NTM: variants seen among roughly 807,000 people sequenced by gnomAD.
NTM encodes neurotrimin, also known as IgLON family member 2.
In NTM, 13 loss-of-function variants were observed where a neutral mutation model predicts 42.1. The observed-to-expected ratio is 0.31, with a 90% CI of 0.20 to 0.49. NTM has a LOEUF of 0.49. Ranked by LOEUF, NTM falls within the 20% of genes least tolerant of loss-of-function variation. The probability of loss-of-function intolerance (pLI) is 0.99; values close to 1 mark genes in which losing one functional copy is unlikely to be tolerated. For synonymous variants in NTM, 187 were observed against 179.2 expected (o/e 1.04, Z -0.35); for missense variants, 373 against 452.8 (o/e 0.82, Z 1.60).
chr11:131,789,593 AAG>A (rs1299390101), intron 1 of NTM, among the ~76,000 whole-genome samples: 1 of 64,884 alleles, frequency 1.5e-5, no homozygotes, highest in East Asian at 4.6e-4. Flanking sequence ...GAAGAAGAAG[AAG>A]AAGAAGAAGA....
chr11:131,439,255 C>A (rs537731032), intron 1 of NTM, among the ~76,000 whole-genome samples: 7 of 152,158 alleles, frequency 4.6e-5, no homozygotes, highest in African/African-American at 1.7e-4. Context: ...TTAGGCTACT[C>A]GGGGGTCAGG....
intron 2 of NTM, among the ~76,000 whole-genome samples, chr11:131,942,719 A>G (rs535077): frequency 0.78 from 118,331 of 151,930 alleles, 46,208 homozygotes; most frequent in East Asian, 0.94. Flanking sequence ...GCCGAGGTGG[A>G]TGGATCGTTT....
intron 3 of NTM, among the ~76,000 whole-genome samples, chr11:132,189,659 C>G (rs781299799): frequency 5.3e-5 from 8 of 151,908 alleles, no homozygotes; most frequent in Non-Finnish European, 7.4e-5. Context: ...CACACACACA[C>G]ACACACACAG....
chr11:131,835,375 C>G (rs1423747175), intron 1 of NTM, among the ~76,000 whole-genome samples: 2 of 151,946 alleles, frequency 1.3e-5, no homozygotes, highest in African/African-American at 2.4e-5. Context: ...AGACTTATCT[C>G]TAGGATGGAT....
At chr11:131,658,932 A>C (rs967589531) in intron 1 of NTM, among the ~76,000 whole-genome samples, 1 of 152,198 alleles carries the variant, frequency 6.6e-6, no homozygotes, top group Non-Finnish European at 1.5e-5. Flanking sequence ...ATATCGCGCC[A>C]CTGCTCTCCA....
intron 1 of NTM, among the ~76,000 whole-genome samples, chr11:131,641,809 C>T (rs993041787): frequency 7.9e-5 from 12 of 151,726 alleles, no homozygotes; most frequent in Non-Finnish European, 1.6e-4. Context: ...TCACTGCAAC[C>T]TCCAACTCCC....
intron 2 of NTM, among the ~76,000 whole-genome samples, chr11:131,985,259 A>C (rs2065886935): frequency 6.6e-6 from 1 of 152,154 alleles, no homozygotes; most frequent in South Asian, 2.1e-4. Flanking sequence ...CAGTTTTACC[A>C]AACATTTTGC....
chr11:132,328,181 G>A (rs753742322), intron 7 of NTM, among the ~76,000 whole-genome samples: 6 of 152,158 alleles, frequency 3.9e-5, no homozygotes, highest in African/African-American at 1.2e-4. Context: ...CAAAGCAAGG[G>A]GGGTGGACTG....
At chr11:131,521,439 T>C (rs1204591003) in intron 1 of NTM, among the ~76,000 whole-genome samples, 26 of 109,114 alleles carry the variant, frequency 2.4e-4, no homozygotes, top group African/African-American at 7.4e-4. Context: ...GGAGTCTCGC[T>C]CTGTCGCCCA....
At chr11:131,750,865 T>C (rs2082404423) in intron 1 of NTM, among the ~76,000 whole-genome samples, 1 of 152,130 alleles carries the variant, frequency 6.6e-6, no homozygotes, top group Non-Finnish European at 1.5e-5. Context: ...AGCTCTGTGG[T>C]GTCCGGGGAT....
intron 2 of NTM, among the ~76,000 whole-genome samples, chr11:131,958,213 T>C (rs2061762423): frequency 6.6e-6 from 1 of 152,146 alleles, no homozygotes; most frequent in Non-Finnish European, 1.5e-5. Context: ...TAGCAGTCTT[T>C]AGAGACATAG....
intron 1 of NTM, among the ~76,000 whole-genome samples, chr11:131,635,669 T>A (rs1479415893): frequency 3.3e-5 from 5 of 152,198 alleles, no homozygotes; most frequent in African/African-American, 1.2e-4. Context: ...GTGTATTTAA[T>A]TTTTATTAAT....
At chr11:131,675,967 T>C (rs964218462) in intron 1 of NTM, among the ~76,000 whole-genome samples, 12 of 152,150 alleles carry the variant, frequency 7.9e-5, no homozygotes, top group African/African-American at 2.9e-4. Context: ...GCTTTCACCT[T>C]TGGTGTTGAA....
chr11:132,306,552 G>A (rs1431930251), intron 4 of NTM: 1 of 152,150 alleles, frequency 6.6e-6, no homozygotes, highest in Non-Finnish European at 1.5e-5. Flanking sequence ...ATGTTTGTGT[G>A]TTAGTCTAAA....
chr11:132,243,437 G>A (rs774129802), intron 4 of NTM, among the ~76,000 whole-genome samples: 37 of 152,182 alleles, frequency 2.4e-4, no homozygotes, highest in Non-Finnish European at 2.1e-4. Context: ...CAGTGGAGCC[G>A]TTCCTACTCT....
At chr11:131,433,111 C>T (rs1378282061) in intron 1 of NTM, among the ~76,000 whole-genome samples, 2 of 152,020 alleles carry the variant, frequency 1.3e-5, no homozygotes, top group Non-Finnish European at 2.9e-5. Context: ...CCCGTCTCGG[C>T]CTCCCAAAGT....
At chr11:131,697,270 G>A (rs1231375448) in intron 1 of NTM, among the ~76,000 whole-genome samples, 1 of 152,268 alleles carries the variant, frequency 6.6e-6, no homozygotes, top group African/African-American at 2.4e-5. Flanking sequence ...GGGTCTCTCA[G>A]AGCCTCTTGG....
chr11:132,143,652 C>T (rs1249260562), intron 2 of NTM, among the ~76,000 whole-genome samples: 2 of 152,266 alleles, frequency 1.3e-5, no homozygotes, highest in Non-Finnish European at 2.9e-5. Flanking sequence ...AATGTGAATT[C>T]ATCCAGTCCC....
intron 3 of NTM, among the ~76,000 whole-genome samples, chr11:132,192,855 T>A (rs2079535738): frequency 6.6e-6 from 1 of 152,132 alleles, no homozygotes; most frequent in Non-Finnish European, 1.5e-5. Context: ...TCGCCATTCT[T>A]ATATCAGATA....
Sources: gnomAD v4.1 joint callset for allele counts (sites outside exome capture counted in the v4.1 genomes callset) on GRCh38, gnomAD v4.1.1 for gene constraint, MANE v1.5 for transcripts, NCBI Gene and HGNC (gene_info 2026-07-23, HGNC 2026-07-21) for gene names.